Variants in ARHGAP19 observed in about 807,000 individuals in gnomAD.
The protein encoded by ARHGAP19 is rho GTPase-activating protein 19.
A neutral mutation model predicts 60.9 loss-of-function variants in ARHGAP19; 48 were observed. That is an observed-to-expected ratio of 0.79 (90% CI 0.62 to 1.00). The LOEUF (loss-of-function observed/expected upper bound fraction) is 1.00. Among genes scored for constraint, ARHGAP19 ranks in the 50% least tolerant of loss-of-function variants. ARHGAP19 has a pLI of 0.00. For missense variants in ARHGAP19, 562 were observed against 597.2 expected (o/e 0.94, Z 0.61); for synonymous variants, 209 against 215.5 (o/e 0.97, Z 0.27).
chr10:97,254,364 G>A (rs563405680), intron 6 of ARHGAP19, among the ~76,000 whole-genome samples: 1 of 152,258 alleles, frequency 6.6e-6, no homozygotes, highest in Admixed American at 6.5e-5. Flanking sequence ...GAATAGACTA[G>A]AAAGCCAGAA....
At chr10:97,246,790 C>T (rs542984977) in intron 6 of ARHGAP19, among the ~76,000 whole-genome samples, 2 of 152,184 alleles carry the variant, frequency 1.3e-5, no homozygotes, top group South Asian at 4.2e-4. Flanking sequence ...GGCTTCACTC[C>T]AGGAGTTTGA....
intron 1 of ARHGAP19, among the ~76,000 whole-genome samples, chr10:97,273,778 C>CA (rs571788551): frequency 9.2e-5 from 14 of 152,086 alleles, no homozygotes; most frequent in Non-Finnish European, 1.9e-4. Context: ...CATGAGCCAC[C>CA]ACACCCGACC....
chr10:97,265,657 G>T, intron 2 of ARHGAP19: 1 of 581,678 alleles, frequency 1.7e-6, no homozygotes, highest in Non-Finnish European at 2.9e-6. Context: ...GAAAATATTT[G>T]CTTTAGTTTA....
intron 7 of ARHGAP19, among the ~76,000 whole-genome samples, chr10:97,244,950 A>T (rs1842542123): frequency 6.6e-6 from 1 of 151,932 alleles, no homozygotes; most frequent in South Asian, 2.1e-4. Context: ...ACAGGAAAGA[A>T]AGGAAAGTAT....
intron 9 of ARHGAP19, among the ~76,000 whole-genome samples, chr10:97,234,439 A>G (rs1419265430): frequency 7.8e-6 from 1 of 128,534 alleles, no homozygotes; most frequent in East Asian, 2.3e-4. Flanking sequence ...AAAAAAAAAG[A>G]TACTCAGTGC....
Position 97,225,813 on chromosome 10 carries a change from G to T in ARHGAP19, c.*309C>A. ...ATATTTTTTTTCAAAAGTGGAATCTGCCTAAACACATTGAGTGAGCACTGA... is the reference window on the plus strand; with the variant it reads ...ATATTTTTTTTCAAAAGTGGAATCTTCCTAAACACATTGAGTGAGCACTGA... On this transcript the variant is annotated 3_prime_UTR_variant, in exon 12 of 12. Transcript: ENST00000358531. 1 of 337,622 alleles carries T rather than the reference G, an allele frequency of 3.0e-6. No homozygotes were observed. The highest frequency in any genetic ancestry group is 5.1e-5 in the East Asian group (1 of 19,746). 20.9% of individuals were successfully genotyped at this position (337,622 alleles called of 1,614,324 possible).
intron 6 of ARHGAP19, among the ~76,000 whole-genome samples, chr10:97,255,873 T>C (rs77028763): frequency 0.017 from 2,579 of 152,244 alleles, 30 homozygotes; most frequent in Non-Finnish European, 0.028. Context: ...CTTTGTCTAA[T>C]AGAATGAATC....
intron 8 of ARHGAP19, among the ~76,000 whole-genome samples, chr10:97,236,517 G>GTACA (rs1378098797): frequency 6.6e-6 from 1 of 152,038 alleles, no homozygotes; most frequent in Admixed American, 6.5e-5. Flanking sequence ...GGTGGCAAGG[G>GTACA]TACAATAAGG....
At chr10:97,259,355 C>A (rs1204203175) in intron 5 of ARHGAP19, 47 bp downstream of exon 5, 1 of 1,459,584 alleles carries the variant, frequency 6.9e-7, no homozygotes, top group East Asian at 2.3e-5. Context: ...GAATGAGGCC[C>A]AGCCCAAGAA....
intron 1 of ARHGAP19, among the ~76,000 whole-genome samples, chr10:97,273,324 A>C (rs1361953478): frequency 1.3e-5 from 2 of 150,404 alleles, no homozygotes; most frequent in Non-Finnish European, 3.0e-5. Flanking sequence ...CACCACACCC[A>C]GCTAATTTTT....
At chr10:97,292,517 A>G in intron 1 of ARHGAP19, 55 bp downstream of exon 1, 1 of 1,600,790 alleles carries the variant, frequency 6.2e-7, no homozygotes, top group African/African-American at 1.3e-5. Context: ...CAAAGGCGGC[A>G]GGACTACCAG....
At chr10:97,290,230 T>C (rs1462068460) in intron 1 of ARHGAP19, among the ~76,000 whole-genome samples, 1 of 152,212 alleles carries the variant, frequency 6.6e-6, no homozygotes, top group Non-Finnish European at 1.5e-5. Flanking sequence ...CCTCTACCAC[T>C]GCTGTTTGCC....
At chr10:97,251,035 T>TG (rs1370355224) in intron 6 of ARHGAP19, among the ~76,000 whole-genome samples, 1 of 139,930 alleles carries the variant, frequency 7.1e-6, no homozygotes, top group Non-Finnish European at 1.5e-5. Context: ...CACTCCAGCC[T>TG]GGGGGGCAGA....
At chr10:97,241,118 C>T (rs1417220818) in intron 8 of ARHGAP19, among the ~76,000 whole-genome samples, 2 of 150,958 alleles carry the variant, frequency 1.3e-5, no homozygotes, top group African/African-American at 4.9e-5. Flanking sequence ...GTCAGGAGTT[C>T]AAGAACAGCC....
intron 1 of ARHGAP19, among the ~76,000 whole-genome samples, chr10:97,270,418 C>A (rs1842947053): frequency 6.6e-6 from 1 of 152,138 alleles, no homozygotes; most frequent in African/African-American, 2.4e-5. Context: ...GCCCACTAAT[C>A]CCTTTCCAAA....
chr10:97,262,768 C>T (rs1235661317), intron 4 of ARHGAP19, among the ~76,000 whole-genome samples: 3 of 152,030 alleles, frequency 2.0e-5, no homozygotes, highest in South Asian at 4.2e-4. Context: ...AATACCGAAC[C>T]TATAAACATC....
Position 97,277,627 on chromosome 10 carries a change from T to TAAATAAA in ARHGAP19, c.57-11503_57-11502insTTTATTT, listed in dbSNP as rs1843035883. 2 of 148,652 alleles carry TAAATAAA rather than the reference T, an allele frequency of 1.3e-5. 1 individual carries two copies. The highest frequency in any genetic ancestry group is 5.1e-5 in the African/African-American group (2 of 39,120). The allele number at this position is 148,652 out of a possible 1,614,324, so 9.2% of individuals were successfully genotyped here. On this transcript the variant is annotated intron_variant, in intron 1 of 11. Coordinates refer to ENST00000358531, the MANE Select transcript of ARHGAP19 (RefSeq NM_032900.6). Reference sequence around the variant, plus strand: ...AAATTAAAAAAAATAAATAAATAAATAAAAAAAATAAAATAAAGCACTGTT... The same window carrying TAAATAAA: ...AAATTAAAAAAAATAAATAAATAAATAAATAAAAAAAAAAATAAAATAAAGCACTGTT...
intron 4 of ARHGAP19, 145 bp from the exon 5 acceptor site, chr10:97,259,773 A>G: frequency 1.6e-6 from 1 of 635,488 alleles, no homozygotes. Flanking sequence ...GACTACAGCA[A>G]AACATAATAA....
At position 97,229,212 on chromosome 10, in the gene ARHGAP19, G is replaced by C. The variant is rs1269562369; in HGVS notation, c.1409C>G (p.Ser470Cys). Residue 470 changes from serine (S) to cysteine (C), a missense_variant, in exon 11 of 12, where the codon TCT (serine) becomes TGT (cysteine). Transcript: ENST00000358531. ...TGTTGGTGTCATCGTGACAGCTGGA[G>C]AGCCAGAAAATAACTGTAATAAGAA... ...KENRNLLFSG[S>C]PAVTMTPTRL... 1 of 1,614,058 alleles carries C rather than the reference G, an allele frequency of 6.2e-7. No individual in the cohort carries two copies. The highest frequency in any genetic ancestry group is 1.3e-5 in the African/African-American group (1 of 75,050).
Sources: gnomAD v4.1 joint callset for allele counts (sites outside exome capture counted in the v4.1 genomes callset) on GRCh38, gnomAD v4.1.1 for gene constraint, MANE v1.5 for transcripts, NCBI Gene and HGNC (gene_info 2026-07-23, HGNC 2026-07-21) for gene names.